The following EPHB1 variants were observed in gnomAD, a reference collection of about 807,000 sequenced individuals.
EPHB1 encodes the protein ephrin type-B receptor 1.
Under a neutral mutation model 94.4 loss-of-function variants are expected in EPHB1, and 30 were observed. That is an observed-to-expected ratio of 0.32 (90% CI 0.24 to 0.43). The LOEUF (loss-of-function observed/expected upper bound fraction) is 0.43. EPHB1 is among the 20% of genes least tolerant of loss of function. The pLI is 1.00. For synonymous variants in EPHB1, 522 were observed against 489.1 expected, an observed-to-expected ratio of 1.07 and a Z score of -0.89; for missense variants, 1,055 against 1,308.3, an observed-to-expected ratio of 0.81 and a Z score of 2.99.
At chr3:135,082,362 G>GACGATGATA (rs1559822673) in intron 3 of EPHB1, among the ~76,000 whole-genome samples, 1 of 152,208 alleles carries the variant, frequency 6.6e-6, no homozygotes, top group Non-Finnish European at 1.5e-5. Flanking sequence ...AAATGATGAT[G>GACGATGATA]ACGATGATAA....
chr3:134,925,751 C>A (rs2038777469), intron 1 of EPHB1, 65 bp from the exon 2 acceptor site: 3 of 1,361,780 alleles, frequency 2.2e-6, no homozygotes, highest in Admixed American at 2.3e-5. Context: ...ACCTTGAGGG[C>A]CACTGTATAG....
chr3:135,100,957 G>A (rs1189133287), intron 3 of EPHB1, among the ~76,000 whole-genome samples: 3 of 152,100 alleles, frequency 2.0e-5, no homozygotes, highest in South Asian at 2.1e-4. Context: ...TGGTGAGGTC[G>A]GGGAGAGGGG....
At chr3:134,845,725 C>T (rs536630699) in intron 1 of EPHB1, among the ~76,000 whole-genome samples, 14 of 152,282 alleles carry the variant, frequency 9.2e-5, no homozygotes, top group African/African-American at 3.1e-4. Flanking sequence ...GCTCACATTG[C>T]CTCTCTAGGA....
chr3:135,223,712 G>A (rs1482188724), intron 12 of EPHB1, among the ~76,000 whole-genome samples: 1 of 152,198 alleles, frequency 6.6e-6, no homozygotes, highest in Non-Finnish European at 1.5e-5. Context: ...AAATGTCATT[G>A]TTTGGTCAGA....
chr3:135,110,686 C>T (rs140164911), intron 4 of EPHB1, among the ~76,000 whole-genome samples: 260 of 152,262 alleles, frequency 1.7e-3, no homozygotes, highest in African/African-American at 5.9e-3. Context: ...ACCATCGTGG[C>T]GATGATGGTG....
chr3:134,986,898 A>G lies in EPHB1; in HGVS notation c.805+34846A>G, dbSNP rs40349. On this transcript the variant is annotated intron_variant, in intron 3 of 15. Transcript: ENST00000398015. Reference sequence around the variant, plus strand: ...TTATGAAAATTATTGCAAAAATTCAATCTTTGTGAAAATCTCACCACATTG... The same window carrying G: ...TTATGAAAATTATTGCAAAAATTCAGTCTTTGTGAAAATCTCACCACATTG... 3.3e-3 allele frequency among the ~76,000 whole-genome samples: 507 copies of G among 152,322 alleles called. 2 individuals carry two copies. Among genetic ancestry groups the G allele is most frequent in the African/African-American group, 0.012 (485 of 41,560 alleles).
At chr3:135,109,565 AT>A (rs932490411) in intron 4 of EPHB1, among the ~76,000 whole-genome samples, 2 of 152,230 alleles carry the variant, frequency 1.3e-5, no homozygotes, top group African/African-American at 4.8e-5. Context: ...GATGTTGGAT[AT>A]CTGAAAATAA....
intron 4 of EPHB1, among the ~76,000 whole-genome samples, chr3:135,130,632 G>A (rs1334993561): frequency 6.6e-6 from 1 of 152,178 alleles, no homozygotes; most frequent in African/African-American, 2.4e-5. Context: ...GCTCAAAGGA[G>A]AGAGGAAATA....
intron 3 of EPHB1, among the ~76,000 whole-genome samples, chr3:134,967,315 T>G (rs915330316): frequency 3.3e-5 from 5 of 151,936 alleles, no homozygotes; most frequent in African/African-American, 4.8e-5. Context: ...GAAAAGGAAA[T>G]AGAACCTGGG....
Position 135,241,030 on chromosome 3 carries a change from C to G in EPHB1, c.2347-118C>G. 2 of 1,230,714 alleles carry G rather than the reference C, an allele frequency of 1.6e-6. 1 individual carries two copies. The allele number at this position is 1,230,714 out of a possible 1,614,324, so 76.2% of individuals were successfully genotyped here. On this transcript the variant is annotated intron_variant, in intron 12 of 15. Transcript: ENST00000398015. ...CACGAAGCAAGAATAGCCTGTCTGT[C>G]ATAATTCACAAGATATGGGAGTGAG...
At chr3:135,004,820 A>C (rs1441587197) in intron 3 of EPHB1, among the ~76,000 whole-genome samples, 1 of 151,614 alleles carries the variant, frequency 6.6e-6, no homozygotes, top group African/African-American at 2.4e-5. Context: ...CAGCTCCTTT[A>C]AGCACTTCTC....
intron 2 of EPHB1, among the ~76,000 whole-genome samples, chr3:134,944,526 A>G (rs1560308656): frequency 6.6e-6 from 1 of 152,178 alleles, no homozygotes; most frequent in Non-Finnish European, 1.5e-5. Context: ...TTTTAGTCTA[A>G]TTATTTCAGA....
intron 3 of EPHB1, among the ~76,000 whole-genome samples, chr3:135,067,220 A>G (rs1341789930): frequency 2.0e-5 from 3 of 152,102 alleles, no homozygotes; most frequent in Non-Finnish European, 4.4e-5. Flanking sequence ...TAGTATGGAG[A>G]GGCACCAGCG....
chr3:135,098,630 G>C (rs1312321035), intron 3 of EPHB1, among the ~76,000 whole-genome samples: 1 of 151,298 alleles, frequency 6.6e-6, no homozygotes, highest in East Asian at 1.9e-4. Context: ...TCTAGAATAA[G>C]TTTTTAGAAA....
At chr3:135,201,270 A>G (rs1469077409) in intron 11 of EPHB1, among the ~76,000 whole-genome samples, 1 of 151,824 alleles carries the variant, frequency 6.6e-6, no homozygotes, top group Non-Finnish European at 1.5e-5. Flanking sequence ...ATTTGGAGAC[A>G]AAATTGACAG....
chr3:134,902,389 C>T (rs191025222), intron 1 of EPHB1, among the ~76,000 whole-genome samples: 10 of 152,258 alleles, frequency 6.6e-5, no homozygotes, highest in Non-Finnish European at 1.5e-5. Flanking sequence ...GGGAAGTGGT[C>T]TCCAAAACTC....
chr3:135,012,344 G>T (rs1186904837), intron 3 of EPHB1, among the ~76,000 whole-genome samples: 1 of 152,206 alleles, frequency 6.6e-6, no homozygotes, highest in Admixed American at 6.5e-5. Context: ...AGCACAGCCA[G>T]TCCTCAAGGC....
Position 135,248,396 on chromosome 3 carries a change from C to CTGTT in EPHB1, c.2578_2581dup (p.Trp861LeufsTer21). 1.2e-6 allele frequency: 2 copies of CTGTT among 1,613,980 alleles called. No homozygotes were observed. The highest frequency in any genetic ancestry group is 1.7e-6 in the Non-Finnish European group (2 of 1,179,928). On this transcript the variant is annotated frameshift_variant, in exon 14 of 16. Transcript: ENST00000398015. LOFTEE classifies it high-confidence loss of function. ...CTGCTCTACACCAGCTCATGCTGGA[C>CTGTT]TGTTGGCAGAAGGACCGGAACAGCC... is the stretch of plus-strand genomic sequence containing the variant.
At chr3:135,215,185 C>T (rs2107717554) in intron 12 of EPHB1, among the ~76,000 whole-genome samples, 1 of 150,554 alleles carries the variant, frequency 6.6e-6, no homozygotes, top group South Asian at 2.1e-4. Context: ...TTTTTTAAGA[C>T]AGAGTTTTGC....
Sources: allele counts gnomAD v4.1 joint callset (sites outside exome capture counted in the v4.1 genomes callset), GRCh38; gene constraint gnomAD v4.1.1; transcripts MANE v1.5; gene names NCBI Gene and HGNC (gene_info 2026-07-23, HGNC 2026-07-21).